COL19A1: variants seen among roughly 807,000 people sequenced by gnomAD.
The protein encoded by COL19A1 is collagen type XIX alpha 1 chain.
Under a neutral mutation model 190.2 loss-of-function variants are expected in COL19A1, and 159 were observed. The observed-to-expected ratio is 0.84, with a 90% CI of 0.73 to 0.95. The LOEUF (loss-of-function observed/expected upper bound fraction) is 0.95. Among genes scored for constraint, COL19A1 ranks in the 40% least tolerant of loss-of-function variants. COL19A1 has a pLI of 0.00. For missense variants in COL19A1, 1,418 were observed against 1,431.9 expected, an observed-to-expected ratio of 0.99 and a Z score of 0.16; for synonymous variants, 509 against 458.9, an observed-to-expected ratio of 1.11 and a Z score of -1.39.
rs1367052058 is a variant in COL19A1 at position 69,940,286 on chromosome 6, C to T, written c.936+2186C>T. Among the ~76,000 whole-genome samples the T allele has an allele frequency of 2.0e-5, 3 of 151,862 alleles. No homozygotes were observed. The East Asian group carries it at 5.8e-4, about 29-fold the overall frequency. On this transcript the variant is annotated intron_variant, in intron 9 of 50. Coordinates refer to ENST00000620364, the MANE Select transcript of COL19A1 (RefSeq NM_001858.6). Reference sequence around the variant, plus strand: ...ATTTAAATATTTATTTTTCTTTATTCATTCATCCATCAACACCTATTTATT... The same window carrying T: ...ATTTAAATATTTATTTTTCTTTATTTATTCATCCATCAACACCTATTTATT...
chr6:70,127,357 G>A (rs1785263136), intron 17 of COL19A1, among the ~76,000 whole-genome samples: 1 of 152,150 alleles, frequency 6.6e-6, no homozygotes, highest in African/African-American at 2.4e-5. Context: ...ATGTGTGTCA[G>A]GAAAGCAAGA....
intron 34 of COL19A1, among the ~76,000 whole-genome samples, chr6:70,160,084 G>C (rs1049526282): frequency 6.6e-6 from 1 of 152,138 alleles, no homozygotes; most frequent in East Asian, 1.9e-4. Context: ...TAATGTCATG[G>C]TCCACAACTC....
chr6:70,199,480 T>G, intron 48 of COL19A1, 128 bp from the exon 49 acceptor site: 1 of 695,586 alleles, frequency 1.4e-6, no homozygotes, highest in Non-Finnish European at 2.1e-6. Flanking sequence ...GTCAGACCAG[T>G]TGGTAAATTA....
intron 49 of COL19A1, 101 bp from the exon 50 acceptor site, chr6:70,206,800 G>A (rs1226442088): frequency 6.1e-5 from 58 of 944,918 alleles, no homozygotes; most frequent in Admixed American, 5.6e-4. Flanking sequence ...TTAAGCAAAT[G>A]TATCACATAA....
intron 15 of COL19A1, among the ~76,000 whole-genome samples, chr6:70,089,436 C>G (rs1782774201): frequency 6.6e-6 from 1 of 152,088 alleles, no homozygotes; most frequent in Non-Finnish European, 1.5e-5. Flanking sequence ...CATAAGATCT[C>G]TAAGTTATTG....
At chr6:70,065,008 A>G (rs897515022) in intron 14 of COL19A1, among the ~76,000 whole-genome samples, 3 of 152,232 alleles carry the variant, frequency 2.0e-5, no homozygotes, top group East Asian at 1.9e-4. Flanking sequence ...GGAAGAATCA[A>G]TATCATGAAA....
At chr6:70,102,768 C>A (rs1283386553) in intron 16 of COL19A1, among the ~76,000 whole-genome samples, 3 of 152,120 alleles carry the variant, frequency 2.0e-5, no homozygotes, top group South Asian at 2.1e-4. Flanking sequence ...GGTAACTCTG[C>A]AGCCTATGAG....
intron 36 of COL19A1, 36 bp from the exon 37 acceptor site, chr6:70,165,905 G>A (rs369994904): frequency 2.7e-4 from 440 of 1,605,552 alleles, no homozygotes; most frequent in Admixed American, 3.7e-4. Flanking sequence ...GGGTAGAAAC[G>A]TCTACGCCGC....
intron 11 of COL19A1, among the ~76,000 whole-genome samples, chr6:69,968,149 C>A (rs1003788869): frequency 6.6e-6 from 1 of 152,040 alleles, no homozygotes; most frequent in African/African-American, 2.4e-5. Context: ...ATTTTATATG[C>A]CACCTTTTGC....
At chr6:69,983,595 G>C (rs1776164011) in intron 11 of COL19A1, among the ~76,000 whole-genome samples, 1 of 151,984 alleles carries the variant, frequency 6.6e-6, no homozygotes, top group Admixed American at 6.6e-5. Context: ...GTATGCTGTA[G>C]GCTTTTGTAG....
rs766500693 is a variant in COL19A1, at chr6:70,068,416, C to A, written c.1171-7C>A. ...GTGTATTAACATGTGTCTCTTTTTC[C>A]TCATAGGGTTCCCTGGGGATACAAG... is the stretch of plus-strand genomic sequence containing the variant. On this transcript the variant is annotated splice_region_variant and splice_polypyrimidine_tract_variant and intron_variant, in intron 14 of 50. Transcript: ENST00000620364. 2 of 1,577,100 alleles carry A rather than the reference C, an allele frequency of 1.3e-6. No individual in the cohort carries two copies. The highest frequency in any genetic ancestry group is 1.3e-5 in the African/African-American group (1 of 74,132).
chr6:70,206,984 T>C lies in COL19A1; in HGVS notation c.3301+6T>C, dbSNP rs755830053. 2 of 1,613,034 alleles carry C rather than the reference T, an allele frequency of 1.2e-6. No individual in the cohort carries two copies. The highest frequency in any genetic ancestry group is 1.7e-6 in the Non-Finnish European group (2 of 1,179,648). ...AGGTCTTCCTGGGACTTCAGGTAAGTGGGATATTGTCTTCACAACACAAGC... is the reference window on the plus strand; with the variant it reads ...AGGTCTTCCTGGGACTTCAGGTAAGCGGGATATTGTCTTCACAACACAAGC... On this transcript the variant is annotated splice_donor_region_variant and intron_variant, in intron 50 of 50. Transcript: ENST00000620364.
Position 69,900,225 on chromosome 6 carries a change from G to C in COL19A1, c.167-14G>C, listed in dbSNP as rs1306061028. The C allele has an allele frequency of 6.7e-7, 1 of 1,494,896 alleles. No homozygotes were observed. The highest frequency in any genetic ancestry group is 1.9e-5 in the Admixed American group (1 of 51,544). The allele number at this position is 1,494,896 out of a possible 1,614,324, so 92.6% of individuals were successfully genotyped here. ...ATTAGTTTATTAAATTGAATCATCT[G>C]TTACATTTTACAGGTTTTGATCTAG... On this transcript the variant is annotated splice_polypyrimidine_tract_variant and intron_variant, in intron 3 of 50. Coordinates refer to ENST00000620364, the MANE Select transcript of COL19A1 (RefSeq NM_001858.6).
chr6:69,923,995 A>T (rs1406910105), intron 4 of COL19A1, among the ~76,000 whole-genome samples: 1 of 152,212 alleles, frequency 6.6e-6, no homozygotes, highest in Non-Finnish European at 1.5e-5. Context: ...TAAGCAAATA[A>T]AAAGCAGCAA....
chr6:70,210,887 G>A lies in COL19A1; in HGVS notation c.*3613G>A, dbSNP rs932868092. On this transcript the variant is annotated 3_prime_UTR_variant, in exon 51 of 51. Coordinates refer to ENST00000620364, the MANE Select transcript of COL19A1 (RefSeq NM_001858.6). Reference sequence around the variant, plus strand: ...CAGGCACAGTACCCTTTGGTTTGTTGACTGTTTTGATTTTATTTCTTTGGT... The same window carrying A: ...CAGGCACAGTACCCTTTGGTTTGTTAACTGTTTTGATTTTATTTCTTTGGT... 2.0e-5 allele frequency among the ~76,000 whole-genome samples: 3 copies of A among 151,816 alleles called. No individual in the cohort carries two copies. The highest frequency in any genetic ancestry group is 7.3e-5 in the African/African-American group (3 of 41,334).
chr6:70,192,444 A>T (rs592836), intron 48 of COL19A1, among the ~76,000 whole-genome samples: 58,996 of 151,262 alleles, frequency 0.39, 12,377 homozygotes, highest in African/African-American at 0.55. Flanking sequence ...CTTTTCTTTC[A>T]TTCTCTTTCA....
chr6:70,038,801 G>A (rs1779485448), intron 14 of COL19A1, among the ~76,000 whole-genome samples: 1 of 152,122 alleles, frequency 6.6e-6, no homozygotes, highest in Non-Finnish European at 1.5e-5. Context: ...CACTACACTG[G>A]TCACAAAGGC....
chr6:70,043,924 C>T (rs548682227), intron 14 of COL19A1, among the ~76,000 whole-genome samples: 285 of 152,324 alleles, frequency 1.9e-3, no homozygotes, highest in Admixed American at 3.5e-3. Flanking sequence ...CTTTTCCTCT[C>T]CAGCTATGAA....
chr6:70,129,551 A>G (rs1201082155), intron 17 of COL19A1, among the ~76,000 whole-genome samples: 1 of 152,216 alleles, frequency 6.6e-6, no homozygotes, highest in Non-Finnish European at 1.5e-5. Flanking sequence ...ATTAGCAGGA[A>G]TTAGAAGTGG....
Sources: allele counts gnomAD v4.1 joint callset (sites outside exome capture counted in the v4.1 genomes callset), GRCh38; gene constraint gnomAD v4.1.1; transcripts MANE v1.5; gene names NCBI Gene and HGNC (gene_info 2026-07-23, HGNC 2026-07-21).